CALM2: variants seen among roughly 807,000 people sequenced by gnomAD.
CALM2 encodes the protein calmodulin 2, also known as calmodulin-2.
Under a neutral mutation model 19.8 loss-of-function variants are expected in CALM2, and 2 were observed. The ratio of observed to expected loss-of-function variants is 0.10; its 90% CI spans 0.04 to 0.32. The LOEUF (loss-of-function observed/expected upper bound fraction) is 0.32, where lower values mean the gene tolerates loss of function less well. Among genes scored for constraint, CALM2 ranks in the 10% least tolerant of loss-of-function variants. The pLI, the probability that CALM2 is intolerant of heterozygous loss-of-function variation, is 1.00. For missense variants in CALM2, 38 were observed against 178.7 expected (o/e 0.21, Z 4.49); for synonymous variants, 51 against 52.1 (o/e 0.98, Z 0.09).
Position 47,160,518 on chromosome 2 carries a change from A to C in CALM2, c.*258T>G, listed in dbSNP as rs1402440642. The C allele has an allele frequency of 2.9e-6, 1 of 342,578 alleles. No individual in the cohort carries two copies. The highest frequency in any genetic ancestry group is 5.3e-6 in the Non-Finnish European group (1 of 186,948). The allele number at this position is 342,578 out of a possible 1,614,324, so 21.2% of individuals were successfully genotyped here. ...TCCCTCATTTGACCAACTCCATCTAAGTTTAGATGTGCAGAAGGGCTTAGA... is the reference window on the plus strand; with the variant it reads ...TCCCTCATTTGACCAACTCCATCTACGTTTAGATGTGCAGAAGGGCTTAGA... On this transcript the variant is annotated 3_prime_UTR_variant, in exon 6 of 6. Transcript: ENST00000272298.
chr2:47,174,159 A>T (rs952456064), intron 1 of CALM2: 1 of 152,360 alleles, frequency 6.6e-6, no homozygotes, highest in African/African-American at 2.4e-5. Context: ...CCCGTTTTCA[A>T]TGAGCATATG....
At chr2:47,170,160 G>A (rs1558699278) in intron 2 of CALM2, among the ~76,000 whole-genome samples, 1 of 152,130 alleles carries the variant, frequency 6.6e-6, no homozygotes, top group Non-Finnish European at 1.5e-5. Flanking sequence ...GATTTAAGCG[G>A]CTTCATTTCA....
chr2:47,165,006 C>T (rs567740889), intron 2 of CALM2, among the ~76,000 whole-genome samples: 2 of 152,256 alleles, frequency 1.3e-5, no homozygotes, highest in Admixed American at 6.5e-5. Context: ...AAATTGAAAC[C>T]TTAGTTATAT....
Position 47,176,158 on chromosome 2 carries a change from C to T in CALM2, c.3+283G>A, listed in dbSNP as rs552527704. The T allele has an allele frequency of 8.0e-6, 4 of 497,196 alleles. No individual in the cohort carries two copies. In the South Asian group the frequency reaches 1.2e-4, roughly 15 times the overall value. 30.8% of individuals were successfully genotyped at this position (497,196 alleles called of 1,614,324 possible). A position where few individuals can be genotyped will look rare whatever the true frequency, so the allele number is the denominator to read the frequency against. ...TCCCGTGCACTGGGCTGTCCCTCAT[C>T]CCGGACCCATCCTCCTCCAGCCAAG... On this transcript the variant is annotated intron_variant, in intron 1 of 5. Coordinates refer to ENST00000272298, the MANE Select transcript of CALM2 (RefSeq NM_001743.6).
intron 2 of CALM2, chr2:47,167,809 C>CTTTTTTTTTTTTT (rs1400752450): frequency 5.5e-5 from 1 of 18,242 alleles, no homozygotes; most frequent in Admixed American, 6.5e-4. Flanking sequence ...ATTTTTTTTT[C>CTTTTTTTTTTTTT]TTTTCTTTGA....
chr2:47,171,474 G>A (rs984116470), intron 1 of CALM2: 5 of 152,232 alleles, frequency 3.3e-5, no homozygotes, highest in African/African-American at 9.7e-5. Flanking sequence ...TTACAGATAA[G>A]GAATGAGGCT....
chr2:47,175,556 ACGACAGACAC>A (rs1666828215), intron 1 of CALM2, among the ~76,000 whole-genome samples: 1 of 152,326 alleles, frequency 6.6e-6, no homozygotes, highest in Non-Finnish European at 1.5e-5. Flanking sequence ...ATTTCTTTCA[ACGACAGACAC>A]TTTAAAAAGC....
chr2:47,162,765 G>A, intron 2 of CALM2, 103 bp from the exon 3 acceptor site: 1 of 967,702 alleles, frequency 1.0e-6, no homozygotes, highest in Non-Finnish European at 1.5e-6. Flanking sequence ...GTGGGATCGT[G>A]CCAGTGAACA....
At chr2:47,166,211 C>T (rs565115838) in intron 2 of CALM2, among the ~76,000 whole-genome samples, 11 of 152,242 alleles carry the variant, frequency 7.2e-5, no homozygotes, top group South Asian at 4.1e-4. Flanking sequence ...GTAGAAATAT[C>T]TAGAAATACA....
intron 2 of CALM2, among the ~76,000 whole-genome samples, chr2:47,168,682 C>G (rs543491034): frequency 6.6e-6 from 1 of 152,120 alleles, no homozygotes; most frequent in Admixed American, 6.5e-5. Context: ...CCACTGCACT[C>G]CAGCCTGGGC....
rs746849404 is a variant in CALM2, at chr2:47,162,675, A to G, written c.35-13T>C. 1 of 1,580,476 alleles carries G rather than the reference A, an allele frequency of 6.3e-7. No homozygotes were observed. The highest frequency in any genetic ancestry group is 8.6e-7 in the Non-Finnish European group (1 of 1,160,654). ...GCTTCTTTGAATTCTGTTTGAAAGAAAGACCACAATCCAAATACACAGATT... is the reference window on the plus strand; with the variant it reads ...GCTTCTTTGAATTCTGTTTGAAAGAGAGACCACAATCCAAATACACAGATT... On this transcript the variant is annotated splice_polypyrimidine_tract_variant and intron_variant, in intron 2 of 5. Coordinates refer to ENST00000272298, the MANE Select transcript of CALM2 (RefSeq NM_001743.6).
chr2:47,160,938 T>C, intron 5 of CALM2, 134 bp from the exon 6 acceptor site: 1 of 560,014 alleles, frequency 1.8e-6, no homozygotes, highest in Non-Finnish European at 3.2e-6. Context: ...TACCATTAAG[T>C]ACAGAGGGAA....
chr2:47,163,939 G>A (rs1298612437), intron 2 of CALM2: 2 of 150,726 alleles, frequency 1.3e-5, no homozygotes, highest in Non-Finnish European at 2.9e-5. Flanking sequence ...TGAACAACAG[G>A]GTGAAACCCC....
At chr2:47,173,972 G>A (rs977016245) in intron 1 of CALM2, 2 of 152,176 alleles carry the variant, frequency 1.3e-5, no homozygotes, top group African/African-American at 4.8e-5. Context: ...AATTCTAGCT[G>A]AAGCTAGAGC....
In CALM2 at chr2:47,167,814, C is replaced by CTTTTTTTTTTTTTTTTTTTTTT; in HGVS notation, c.34+2919_34+2920insAAAAAAAAAAAAAAAAAAAAAA. 1.2e-3 allele frequency: 118 copies of CTTTTTTTTTTTTTTTTTTTTTT among 96,456 alleles called. 14 individuals carry two copies. Among genetic ancestry groups the CTTTTTTTTTTTTTTTTTTTTTT allele is most frequent in the African/African-American group, 5.9e-3 (106 of 17,906 alleles). The allele number at this position is 96,456 out of a possible 1,614,324, so 6.0% of individuals were successfully genotyped here. A position where few individuals can be genotyped will look rare whatever the true frequency, so the allele number is the denominator to read the frequency against. ...AAAAAAAAAAATTTTTTTTTCTTTT[C>CTTTTTTTTTTTTTTTTTTTTTT]TTTGAGACAGGGTCTTGCTGTGTTG... On this transcript the variant is annotated intron_variant, in intron 2 of 5. Transcript: ENST00000272298.
intron 2 of CALM2, among the ~76,000 whole-genome samples, chr2:47,166,755 A>C (rs1189971137): frequency 3.9e-5 from 6 of 152,222 alleles, no homozygotes; most frequent in Admixed American, 2.6e-4. Flanking sequence ...ATAATTCTAA[A>C]CTGTAACTCC....
intron 1 of CALM2, chr2:47,173,889 C>CAT (rs1666759206): frequency 6.6e-6 from 1 of 152,212 alleles, no homozygotes; most frequent in African/African-American, 2.4e-5. Context: ...ATAGTACTTA[C>CAT]ATAGCATCTC....
intron 2 of CALM2, 144 bp from the exon 3 acceptor site, chr2:47,162,806 A>C (rs1012539582): frequency 1.6e-6 from 1 of 624,536 alleles, no homozygotes; most frequent in Admixed American, 3.6e-5. Flanking sequence ...CCAAACTGTA[A>C]GACCCCACGT....
In CALM2 at chr2:47,174,965, A is replaced by T. The variant is rs1349451177; in HGVS notation, c.3+1476T>A. On this transcript the variant is annotated intron_variant, in intron 1 of 5. Coordinates refer to ENST00000272298, the MANE Select transcript of CALM2 (RefSeq NM_001743.6). ...TACAGGCTGGAGGTTTCAGTTGGCA[A>T]GGATCCCTAACTCCTGTTTAAGATG... Among the ~76,000 whole-genome samples, 3 of 152,062 alleles carry T rather than the reference A, an allele frequency of 2.0e-5. No homozygotes were observed. In the East Asian group the frequency reaches 5.8e-4, roughly 29 times the overall value.
Sources: allele counts gnomAD v4.1 joint callset (sites outside exome capture counted in the v4.1 genomes callset), GRCh38; gene constraint gnomAD v4.1.1; transcripts MANE v1.5; gene names NCBI Gene and HGNC (gene_info 2026-07-23, HGNC 2026-07-21).